Variants in USP7 observed in about 807,000 individuals in gnomAD.
USP7 encodes the protein ubiquitin C-terminal hydrolase 7.
USP7 carries 9 observed loss-of-function variants against 162.9 expected under a neutral mutation model. The ratio of observed to expected loss-of-function variants is 0.06; its 90% CI spans 0.03 to 0.10. USP7 has a LOEUF of 0.10. USP7 is among the 10% of genes least tolerant of loss of function. The probability of loss-of-function intolerance (pLI) is 1.00; values close to 1 mark genes in which losing one functional copy is unlikely to be tolerated. For missense variants in USP7, 715 were observed against 1,373.7 expected (o/e 0.52, Z 7.58); for synonymous variants, 562 against 475.9 (o/e 1.18, Z -2.35).
intron 1 of USP7, among the ~76,000 whole-genome samples, chr16:8,937,570 C>T (rs541143191): frequency 2.0e-5 from 3 of 152,024 alleles, no homozygotes; most frequent in Non-Finnish European, 4.4e-5. Context: ...TGTGGTGGTG[C>T]ACACCTGTAA....
At chr16:8,897,744 T>TAC (rs1797421141) in intron 25 of USP7, among the ~76,000 whole-genome samples, 1 of 110,724 alleles carries the variant, frequency 9.0e-6, no homozygotes, top group Non-Finnish European at 1.7e-5. Flanking sequence ...TATATATATA[T>TAC]ATAAATGAGT....
chr16:8,916,446 G>A lies in USP7; in HGVS notation c.906+56C>T, dbSNP rs927176451. The A allele has an allele frequency of 3.9e-6, 6 of 1,555,056 alleles. No individual in the cohort carries two copies. In the African/African-American group the frequency reaches 5.5e-5, roughly 14 times the overall value. ...GAGGTTTTACTTGGTAATAACTTCT[G>A]ACCATGCTTCAAAATATTCATTGTA... is the stretch of plus-strand genomic sequence containing the variant. On this transcript the variant is annotated intron_variant, in intron 8 of 30. Transcript: ENST00000344836.
chr16:8,909,278 C>T (rs1294487826), intron 11 of USP7, among the ~76,000 whole-genome samples: 1 of 152,204 alleles, frequency 6.6e-6, no homozygotes. Context: ...CCAATGCAGA[C>T]CTTCCTTCTG....
chr16:8,941,358 T>G (rs1251544955), intron 1 of USP7, among the ~76,000 whole-genome samples: 1 of 152,214 alleles, frequency 6.6e-6, no homozygotes, highest in Non-Finnish European at 1.5e-5. Context: ...ACCCTACATA[T>G]CCTGCAGTCT....
chr16:8,908,264 C>A, intron 12 of USP7, 77 bp downstream of exon 12: 2 of 1,177,868 alleles, frequency 1.7e-6, no homozygotes, highest in East Asian at 2.4e-5. Context: ...AATATAAAGA[C>A]TGAGGAAAGC....
chr16:8,926,161 A>G (rs1897977682), intron 2 of USP7, among the ~76,000 whole-genome samples: 1 of 151,160 alleles, frequency 6.6e-6, no homozygotes, highest in Non-Finnish European at 1.5e-5. Context: ...CTCAAAAAAA[A>G]AAAAAAAGAA....
At chr16:8,930,232 T>C in intron 2 of USP7, 61 bp downstream of exon 2, 2 of 1,343,132 alleles carry the variant, frequency 1.5e-6, no homozygotes, top group Non-Finnish European at 2.1e-6. Flanking sequence ...CAAGCATGGA[T>C]CTGAACCTGT....
chr16:8,934,199 C>T (rs1175231140), intron 1 of USP7, among the ~76,000 whole-genome samples: 1 of 152,192 alleles, frequency 6.6e-6, no homozygotes, highest in African/African-American at 2.4e-5. Flanking sequence ...GTACATAAAA[C>T]TTCATGTCTA....
chr16:8,902,923 T>C (rs1318679905), intron 16 of USP7, among the ~76,000 whole-genome samples: 1 of 152,210 alleles, frequency 6.6e-6, no homozygotes, highest in African/African-American at 2.4e-5. Flanking sequence ...AGAATTCTAA[T>C]TCTTCCCCGG....
At chr16:8,902,049 C>G (rs1238428404) in intron 18 of USP7, 33 bp downstream of exon 18, 4 of 1,562,176 alleles carry the variant, frequency 2.6e-6, no homozygotes, top group Non-Finnish European at 1.8e-6. Flanking sequence ...CGCTACTGCT[C>G]TAAGTGCAGG....
chr16:8,897,653 G>A lies in USP7; in HGVS notation c.2719-554C>T, dbSNP rs1308156403. 2.3e-5 allele frequency among the ~76,000 whole-genome samples: 3 copies of A among 132,944 alleles called. No individual in the cohort carries two copies. In the East Asian group the frequency reaches 7.0e-4, roughly 31 times the overall value. 87.2% of individuals were successfully genotyped at this position (132,944 alleles called of 152,430 possible). On this transcript the variant is annotated intron_variant, in intron 25 of 30. Transcript: ENST00000344836. ...TGAGGCAGAAGGATGCTTGAGCCCA[G>A]GAGCTCAAGACCAGTCTGGGCAATA...
intron 1 of USP7, among the ~76,000 whole-genome samples, chr16:8,933,194 C>A: frequency 6.6e-6 from 1 of 152,148 alleles, no homozygotes. Flanking sequence ...CCTGCCGTGG[C>A]CTCTCAAAGT....
intron 6 of USP7, among the ~76,000 whole-genome samples, chr16:8,918,139 T>G (rs1471292508): frequency 6.6e-6 from 1 of 152,162 alleles, no homozygotes. Context: ...AAAGATTTGA[T>G]TAAAAACTTA....
chr16:8,918,011 C>T (rs995400384), intron 6 of USP7, among the ~76,000 whole-genome samples: 2 of 151,674 alleles, frequency 1.3e-5, no homozygotes, highest in South Asian at 2.1e-4. Context: ...AGGATGGTCT[C>T]GATCTGCTGA....
chr16:8,927,320 G>GAA (rs111731536), intron 2 of USP7, among the ~76,000 whole-genome samples: 7 of 138,942 alleles, frequency 5.0e-5, no homozygotes, highest in African/African-American at 1.8e-4. Context: ...AAAAGAAAAA[G>GAA]AAAAAAAAAA....
chr16:8,918,229 C>T (rs1206791394), intron 6 of USP7, among the ~76,000 whole-genome samples: 4 of 152,268 alleles, frequency 2.6e-5, no homozygotes, highest in Middle Eastern at 3.4e-3. Flanking sequence ...GCAAACATGC[C>T]TTGAAGGATG....
chr16:8,895,766 G>A, intron 26 of USP7, 25 bp from the exon 27 acceptor site: 1 of 1,503,140 alleles, frequency 6.7e-7, no homozygotes, highest in Non-Finnish European at 9.1e-7. Flanking sequence ...AAAAAAAATA[G>A]GGCAAAATGA....
chr16:8,936,917 G>C (rs558518771), intron 1 of USP7, among the ~76,000 whole-genome samples: 2 of 152,146 alleles, frequency 1.3e-5, no homozygotes, highest in Non-Finnish European at 2.9e-5. Context: ...TTAAAACACT[G>C]TATCAAACAC....
At chr16:8,953,306 G>A (rs934667494) in intron 1 of USP7, among the ~76,000 whole-genome samples, 1 of 152,052 alleles carries the variant, frequency 6.6e-6, no homozygotes, top group Non-Finnish European at 1.5e-5. Context: ...GTCCCATCCG[G>A]GGTAGAGTTG....
Sources: allele counts gnomAD v4.1 joint callset (sites outside exome capture counted in the v4.1 genomes callset), GRCh38; gene constraint gnomAD v4.1.1; transcripts MANE v1.5; gene names NCBI Gene and HGNC (gene_info 2026-07-23, HGNC 2026-07-21).